TRAPPC9: variants seen among roughly 807,000 people sequenced by gnomAD.
TRAPPC9 encodes the protein trafficking protein particle complex subunit 9.
A neutral mutation model predicts 124.0 loss-of-function variants in TRAPPC9; 83 were observed. That is an observed-to-expected ratio of 0.67 (90% CI 0.56 to 0.80). The LOEUF is 0.80. Among genes scored for constraint, TRAPPC9 ranks in the 30% least tolerant of loss-of-function variants. The pLI, the probability that TRAPPC9 is intolerant of heterozygous loss-of-function variation, is 0.00. For synonymous variants in TRAPPC9, 638 were observed against 617.5 expected (o/e 1.03, Z -0.49); for missense variants, 1,302 against 1,508.3 (o/e 0.86, Z 2.27).
chr8:140,335,863 T>C (rs886691331), intron 9 of TRAPPC9, among the ~76,000 whole-genome samples: 10 of 151,900 alleles, frequency 6.6e-5, no homozygotes, highest in Non-Finnish European at 1.5e-4. Context: ...CCCGCCACCA[T>C]GTCTGGCCAG....
At chr8:139,880,131 G>A (rs1392059418) in intron 21 of TRAPPC9, among the ~76,000 whole-genome samples, 1 of 152,204 alleles carries the variant, frequency 6.6e-6, no homozygotes, top group Admixed American at 6.5e-5. Flanking sequence ...CTCAGAAATG[G>A]AAAACCCCCA....
intron 2 of TRAPPC9, among the ~76,000 whole-genome samples, chr8:140,443,393 G>A (rs1037523614): frequency 7.3e-5 from 11 of 150,456 alleles, no homozygotes; most frequent in East Asian, 5.9e-4. Context: ...CCAAGATCGC[G>A]CCACTGCACT....
chr8:139,926,027 T>A (rs547058021), intron 19 of TRAPPC9, among the ~76,000 whole-genome samples: 35 of 152,318 alleles, frequency 2.3e-4, no homozygotes, highest in Middle Eastern at 3.4e-3. Flanking sequence ...ACTGTTAGCA[T>A]CTCTTCTCCA....
intron 19 of TRAPPC9, among the ~76,000 whole-genome samples, chr8:139,941,814 C>A (rs1399701113): frequency 6.6e-6 from 1 of 152,222 alleles, no homozygotes; most frequent in African/African-American, 2.4e-5. Context: ...TGGGCTCAGT[C>A]TCTGGCCCAC....
chr8:139,796,692 T>C (rs1823121367), intron 21 of TRAPPC9, among the ~76,000 whole-genome samples: 1 of 152,250 alleles, frequency 6.6e-6, no homozygotes, highest in Non-Finnish European at 1.5e-5. Context: ...TCTTTGGTTA[T>C]TATGAACAAC....
intron 21 of TRAPPC9, among the ~76,000 whole-genome samples, chr8:139,831,124 G>C (rs550767377): frequency 1.3e-5 from 2 of 152,340 alleles, no homozygotes; most frequent in South Asian, 2.1e-4. Context: ...AAACAGGAGA[G>C]AGGGCTGGGA....
intron 17 of TRAPPC9, among the ~76,000 whole-genome samples, chr8:140,037,211 T>C (rs1486312656): frequency 1.3e-5 from 2 of 152,106 alleles, no homozygotes; most frequent in Non-Finnish European, 2.9e-5. Context: ...CCCAGGCCCC[T>C]GAGCGAGTGA....
chr8:140,101,162 C>T (rs1036115793), intron 17 of TRAPPC9, among the ~76,000 whole-genome samples: 37 of 152,220 alleles, frequency 2.4e-4, no homozygotes, highest in Non-Finnish European at 4.6e-4. Context: ...TTCTTTGAGA[C>T]GGAGTCTCGC....
chr8:139,920,680 C>T (rs1216209459), intron 19 of TRAPPC9, among the ~76,000 whole-genome samples: 1 of 152,200 alleles, frequency 6.6e-6, no homozygotes, highest in East Asian at 1.9e-4. Context: ...AGAGTGTTTC[C>T]TTGCTTTTCC....
intron 16 of TRAPPC9, among the ~76,000 whole-genome samples, chr8:140,240,655 C>T (rs1587994188): frequency 6.6e-6 from 1 of 152,208 alleles, no homozygotes; most frequent in African/African-American, 2.4e-5. Context: ...TCACTACAGC[C>T]TGGAACTCCT....
chr8:139,822,821 G>A (rs1046187701), intron 21 of TRAPPC9, among the ~76,000 whole-genome samples: 7 of 152,258 alleles, frequency 4.6e-5, no homozygotes, highest in African/African-American at 1.7e-4. Context: ...GCCACAGTCA[G>A]TTCAGGCAAC....
chr8:140,232,891 G>T (rs1240431049), intron 16 of TRAPPC9, among the ~76,000 whole-genome samples: 1 of 152,206 alleles, frequency 6.6e-6, no homozygotes, highest in Non-Finnish European at 1.5e-5. Context: ...GGATAATAAA[G>T]GAAGAATGGT....
chr8:140,001,948 T>C lies in TRAPPC9; in HGVS notation c.2700-13112A>G, dbSNP rs187100471. Reference sequence around the variant, plus strand: ...AAAGTCCTAAATCAATTAAATAAATTAAACATATTGTTTTAAAAATCATTC... The same window carrying C: ...AAAGTCCTAAATCAATTAAATAAATCAAACATATTGTTTTAAAAATCATTC... On this transcript the variant is annotated intron_variant, in intron 18 of 22. Coordinates refer to ENST00000438773, the MANE Select transcript of TRAPPC9 (RefSeq NM_001160372.4). Among the ~76,000 whole-genome samples, 189 of 152,318 alleles carry C rather than the reference T, an allele frequency of 1.2e-3. 1 individual carries two copies. The highest frequency in any genetic ancestry group is 3.9e-3 in the African/African-American group (164 of 41,576).
intron 9 of TRAPPC9, among the ~76,000 whole-genome samples, chr8:140,336,371 T>C (rs1201163182): frequency 1.3e-5 from 2 of 152,154 alleles, no homozygotes; most frequent in Non-Finnish European, 2.9e-5. Context: ...TGCACCACGC[T>C]CTGCTCTGCG....
chr8:140,354,810 A>C (rs1267171627), intron 9 of TRAPPC9, among the ~76,000 whole-genome samples: 1 of 152,244 alleles, frequency 6.6e-6, no homozygotes, highest in African/African-American at 2.4e-5. Flanking sequence ...CTAGCCCTGC[A>C]CAACCCAGCT....
chr8:140,139,430 G>T (rs912762694), intron 17 of TRAPPC9, among the ~76,000 whole-genome samples: 3 of 152,240 alleles, frequency 2.0e-5, no homozygotes, highest in South Asian at 2.1e-4. Context: ...TCACACGGGG[G>T]TTATACCCAA....
intron 9 of TRAPPC9, among the ~76,000 whole-genome samples, chr8:140,327,736 T>C (rs2066777009): frequency 6.6e-6 from 1 of 152,222 alleles, no homozygotes; most frequent in Non-Finnish European, 1.5e-5. Flanking sequence ...AGTAGAATGA[T>C]GGTTGCCAGG....
chr8:140,188,736 C>A (rs934937742), intron 17 of TRAPPC9, among the ~76,000 whole-genome samples: 8 of 152,182 alleles, frequency 5.3e-5, no homozygotes, highest in African/African-American at 1.9e-4. Context: ...CCTTCAACAC[C>A]GATGTTCCCC....
At chr8:140,361,060 T>G (rs2067939126) in intron 8 of TRAPPC9, among the ~76,000 whole-genome samples, 1 of 152,236 alleles carries the variant, frequency 6.6e-6, no homozygotes, top group Non-Finnish European at 1.5e-5. Context: ...ACACACACCC[T>G]GCCAATGGCT....
Sources: gnomAD v4.1 joint callset for allele counts (sites outside exome capture counted in the v4.1 genomes callset) on GRCh38, gnomAD v4.1.1 for gene constraint, MANE v1.5 for transcripts, NCBI Gene and HGNC (gene_info 2026-07-23, HGNC 2026-07-21) for gene names.